Variants in CTDSPL2 observed in about 807,000 individuals in gnomAD.
CTDSPL2 encodes the protein CTD small phosphatase like 2.
CTDSPL2 carries 5 observed loss-of-function variants against 60.0 expected under a neutral mutation model. The observed-to-expected ratio is 0.08, with a 90% confidence interval of 0.04 to 0.18. The LOEUF (loss-of-function observed/expected upper bound fraction) is 0.18, where lower values mean the gene tolerates loss of function less well. Ranked by LOEUF, CTDSPL2 falls within the 10% of genes least tolerant of loss-of-function variation. The pLI is 1.00. For missense variants in CTDSPL2, 370 were observed against 548.8 expected (o/e 0.67, Z 3.26); for synonymous variants, 186 against 189.3 (o/e 0.98, Z 0.14).
At chr15:44,431,265 GATGA>G (rs1158007771) in intron 1 of CTDSPL2, among the ~76,000 whole-genome samples, 2 of 152,092 alleles carry the variant, frequency 1.3e-5, no homozygotes, top group African/African-American at 4.8e-5. Flanking sequence ...CCCGGCTCAT[GATGA>G]GGAGCCTTGA....
chr15:44,508,413 T>G (rs2081508546), intron 8 of CTDSPL2, among the ~76,000 whole-genome samples: 1 of 152,132 alleles, frequency 6.6e-6, no homozygotes, highest in African/African-American at 2.4e-5. Context: ...ATTCTTTATG[T>G]TCCCCAACTT....
chr15:44,433,351 GAC>G, intron 1 of CTDSPL2, among the ~76,000 whole-genome samples: 1 of 146,858 alleles, frequency 6.8e-6, no homozygotes, highest in Middle Eastern at 3.6e-3. Context: ...AAAAAAAAAG[GAC>G]AAAAAACAGC....
At chr15:44,444,497 A>T (rs576689100) in intron 1 of CTDSPL2, among the ~76,000 whole-genome samples, 1 of 151,772 alleles carries the variant, frequency 6.6e-6, no homozygotes, top group South Asian at 2.1e-4. Flanking sequence ...GGCACACATC[A>T]CTACACCTGG....
At chr15:44,449,564 C>G (rs898403608) in intron 1 of CTDSPL2, among the ~76,000 whole-genome samples, 2 of 152,122 alleles carry the variant, frequency 1.3e-5, no homozygotes, top group African/African-American at 4.8e-5. Context: ...ATCCTGAGCT[C>G]AGGCAGTCCG....
At chr15:44,483,783 C>T (rs919148525) in intron 2 of CTDSPL2, among the ~76,000 whole-genome samples, 1 of 152,120 alleles carries the variant, frequency 6.6e-6, no homozygotes, top group African/African-American at 2.4e-5. Context: ...TGCCAGGCCC[C>T]ACCTTTATCC....
intron 1 of CTDSPL2, among the ~76,000 whole-genome samples, chr15:44,443,469 A>T (rs2080134530): frequency 6.6e-6 from 1 of 152,202 alleles, no homozygotes; most frequent in African/African-American, 2.4e-5. Flanking sequence ...TTTTTTGAGG[A>T]ACTGCCATGC....
At chr15:44,446,043 A>G (rs2080207212) in intron 1 of CTDSPL2, among the ~76,000 whole-genome samples, 1 of 148,160 alleles carries the variant, frequency 6.7e-6, no homozygotes, top group African/African-American at 2.5e-5. Flanking sequence ...CTTCTGCCTC[A>G]GCCTCCCAAG....
intron 8 of CTDSPL2, among the ~76,000 whole-genome samples, chr15:44,509,798 C>G (rs1418279054): frequency 2.0e-5 from 3 of 150,924 alleles, no homozygotes; most frequent in African/African-American, 4.9e-5. Context: ...TGGTGGCATG[C>G]GCCTATAGCC....
chr15:44,519,618 A>G (rs966100944), intron 11 of CTDSPL2: 4 of 186,950 alleles, frequency 2.1e-5, no homozygotes, highest in African/African-American at 7.1e-5. Flanking sequence ...TAGTTAGTTT[A>G]TGTTCTTCTG....
At chr15:44,456,005 C>T (rs2080431489) in intron 1 of CTDSPL2, among the ~76,000 whole-genome samples, 1 of 151,432 alleles carries the variant, frequency 6.6e-6, no homozygotes, top group African/African-American at 2.4e-5. Flanking sequence ...CGCCCGCCAC[C>T]TCGCCCGGCT....
chr15:44,462,144 G>A (rs148727375), intron 2 of CTDSPL2, among the ~76,000 whole-genome samples: 76 of 152,240 alleles, frequency 5.0e-4, no homozygotes, highest in South Asian at 2.1e-3. Context: ...AGGCTTCACC[G>A]TGTTGCTCAG....
intron 12 of CTDSPL2, among the ~76,000 whole-genome samples, chr15:44,522,629 T>C (rs1376577089): frequency 6.6e-6 from 1 of 151,934 alleles, no homozygotes; most frequent in Non-Finnish European, 1.5e-5. Flanking sequence ...GGTGGGCGCC[T>C]ATAATCCCAG....
chr15:44,508,043 G>A lies in CTDSPL2; in HGVS notation c.970-6555G>A, dbSNP rs141124111. 1.2e-4 allele frequency among the ~76,000 whole-genome samples: 19 copies of A among 152,032 alleles called. No homozygotes were observed. The East Asian group carries it at 3.7e-3, about 29-fold the overall frequency. On this transcript the variant is annotated intron_variant, in intron 8 of 12. Coordinates refer to ENST00000260327, the MANE Select transcript of CTDSPL2 (RefSeq NM_016396.3). Reference sequence around the variant, plus strand: ...CACTTGTGGTATCTACTGATGGTAAGATAAGATTTTTTCAGTTAATTGTAG... The same window carrying A: ...CACTTGTGGTATCTACTGATGGTAAAATAAGATTTTTTCAGTTAATTGTAG...
At chr15:44,473,339 A>C (rs968415459) in intron 2 of CTDSPL2, among the ~76,000 whole-genome samples, 5 of 152,104 alleles carry the variant, frequency 3.3e-5, no homozygotes, top group African/African-American at 1.2e-4. Context: ...TCTATCGCCC[A>C]GGCTGGAGTG....
chr15:44,525,189 G>A lies in CTDSPL2; in HGVS notation c.*1015G>A. On this transcript the variant is annotated 3_prime_UTR_variant, in exon 13 of 13. Coordinates refer to ENST00000260327, the MANE Select transcript of CTDSPL2 (RefSeq NM_016396.3). ...ATTTTTAGTTATTTTGCATGGGCTG[G>A]TAGTACCTCTGTTATGCTCTCAGTT... The A allele has an allele frequency of 2.6e-6, 1 of 384,690 alleles. No individual in the cohort carries two copies. Among genetic ancestry groups the A allele is most frequent in the Non-Finnish European group, 4.6e-6 (1 of 217,106 alleles). The allele number at this position is 384,690 out of a possible 1,614,324, so 23.8% of individuals were successfully genotyped here. A position where few individuals can be genotyped will look rare whatever the true frequency, so the allele number is the denominator to read the frequency against.
chr15:44,441,467 G>A (rs1481432812), intron 1 of CTDSPL2, among the ~76,000 whole-genome samples: 1 of 152,190 alleles, frequency 6.6e-6, no homozygotes, highest in Non-Finnish European at 1.5e-5. Context: ...TCTTGCAAAT[G>A]GTTTCAATTG....
At chr15:44,522,763 AAAAC>A (rs937001557) in intron 12 of CTDSPL2, among the ~76,000 whole-genome samples, 7 of 152,158 alleles carry the variant, frequency 4.6e-5, no homozygotes, top group Admixed American at 1.3e-4. Context: ...AAAACAAAAC[AAAAC>A]AAACAAACAA....
chr15:44,496,369 A>C lies in CTDSPL2; in HGVS notation c.692-11A>C, dbSNP rs1227979766. ...TAAAAGCAACATTTTTTCTTTCACT[A>C]TGTTAAATAGCACCAGTAACTCCAG... On this transcript the variant is annotated splice_polypyrimidine_tract_variant and intron_variant, in intron 5 of 12. Coordinates refer to ENST00000260327, the MANE Select transcript of CTDSPL2 (RefSeq NM_016396.3). 1.3e-6 allele frequency: 2 copies of C among 1,599,188 alleles called. No individual in the cohort carries two copies. The highest frequency in any genetic ancestry group is 2.7e-5 in the African/African-American group (2 of 74,496).
intron 4 of CTDSPL2, among the ~76,000 whole-genome samples, chr15:44,488,198 C>G (rs563097626): frequency 6.6e-6 from 1 of 151,680 alleles, no homozygotes; most frequent in Non-Finnish European, 1.5e-5. Context: ...GTGAATAATA[C>G]GATCAGATCT....
Sources: allele counts gnomAD v4.1 joint callset (sites outside exome capture counted in the v4.1 genomes callset), GRCh38; gene constraint gnomAD v4.1.1; transcripts MANE v1.5; gene names NCBI Gene and HGNC (gene_info 2026-07-23, HGNC 2026-07-21).